Variants in MS4A18 observed in about 807,000 individuals in gnomAD.
MS4A18 encodes the protein membrane-spanning 4-domains subfamily A member 18.
MS4A18 carries 27 observed loss-of-function variants against 13.1 expected under a neutral mutation model. That is an observed-to-expected ratio of 2.06 (90% CI 1.52 to 2.84). MS4A18 has a LOEUF of 2.84. Ranked by LOEUF, MS4A18 falls within the 30% of genes most tolerant of loss-of-function variation. The pLI is 0.00. For missense variants in MS4A18, 307 were observed against 196.4 expected, an observed-to-expected ratio of 1.56 and a Z score of -3.37; for synonymous variants, 126 against 76.5, an observed-to-expected ratio of 1.65 and a Z score of -3.38.
intron 1 of MS4A18, among the ~76,000 whole-genome samples, chr11:60,732,288 A>G (rs1190797093): frequency 6.6e-6 from 1 of 152,074 alleles, no homozygotes; most frequent in Non-Finnish European, 1.5e-5. Context: ...AGCAGGGAGT[A>G]AGGGGAAAAA....
intron 1 of MS4A18, among the ~76,000 whole-genome samples, chr11:60,731,700 C>T (rs988574135): frequency 1.3e-5 from 2 of 152,188 alleles, no homozygotes; most frequent in Admixed American, 6.5e-5. Flanking sequence ...AGCATTTCTA[C>T]GCATGGTGTT....
chr11:60,733,204 G>A (rs569720645), intron 1 of MS4A18, among the ~76,000 whole-genome samples: 3 of 152,368 alleles, frequency 2.0e-5, no homozygotes, highest in Admixed American at 6.5e-5. Flanking sequence ...GTGGTTTTCA[G>A]CCACAACCCG....
chr11:60,738,512 C>G (rs1853374018), intron 3 of MS4A18, among the ~76,000 whole-genome samples: 1 of 152,148 alleles, frequency 6.6e-6, no homozygotes, highest in African/African-American at 2.4e-5. Context: ...CAAACAAATC[C>G]AGTCCCTGCC....
At chr11:60,728,218 T>G (rs1041986892), upstream of MS4A18, among the ~76,000 whole-genome samples, 2 of 152,192 alleles carry the variant, frequency 1.3e-5, no homozygotes, top group African/African-American at 4.8e-5. Context: ...GTCTGTTTTT[T>G]TGCTCTGAAA....
At chr11:60,735,500 ATT>A (rs56136215) in intron 2 of MS4A18, among the ~76,000 whole-genome samples, 1,543 of 110,074 alleles carry the variant, frequency 0.014, 61 homozygotes, top group Admixed American at 0.11. Flanking sequence ...TGCCCGGCTA[ATT>A]TTTTTTTTTT....
At chr11:60,740,258 C>A (rs1399319333) in intron 4 of MS4A18, among the ~76,000 whole-genome samples, 1 of 152,216 alleles carries the variant, frequency 6.6e-6, no homozygotes, top group South Asian at 2.1e-4. Flanking sequence ...GGGATCCCCA[C>A]CCTCTGCTCC....
At chr11:60,739,147 C>T in intron 4 of MS4A18, 150 bp downstream of exon 5, 1 of 615,320 alleles carries the variant, frequency 1.6e-6, no homozygotes, top group Non-Finnish European at 2.9e-6. Context: ...CACCAAAACC[C>T]TGTGCCCTCT....
chr11:60,743,415 T>C (rs960902367), intron 5 of MS4A18, among the ~76,000 whole-genome samples: 2 of 152,160 alleles, frequency 1.3e-5, no homozygotes, highest in Non-Finnish European at 2.9e-5. Flanking sequence ...GGCAGGCCAG[T>C]CTTTATGTTC....
At position 60,734,416 on chromosome 11, in the gene MS4A18, A is replaced by G. The variant is rs1853305538; in HGVS notation, c.591+769A>G. On this transcript the variant is annotated intron_variant, in intron 2 of 5. Transcript: ENST00000529108. ...ACCATTTGGTAGCAGGAAGTTGGCC[A>G]TGTTGGGTATACATACGACATGGAA... Among the ~76,000 whole-genome samples, 5 of 152,236 alleles carry G rather than the reference A, an allele frequency of 3.3e-5. No individual in the cohort carries two copies. The South Asian group carries it at 6.2e-4, about 19-fold the overall frequency.
At chr11:60,736,144 A>C (rs1853336194) in intron 2 of MS4A18, among the ~76,000 whole-genome samples, 1 of 152,106 alleles carries the variant, frequency 6.6e-6, no homozygotes, top group Admixed American at 6.5e-5. Flanking sequence ...GGTAGCTTCA[A>C]GAGAGCTAGC....
At chr11:60,733,359 A>C (rs189230928) in intron 1 of MS4A18, among the ~76,000 whole-genome samples, 175 bp from the exon 3 acceptor site, 88 of 152,344 alleles carry the variant, frequency 5.8e-4, no homozygotes, top group Admixed American at 1.5e-3. Flanking sequence ...GTTTTTAAAA[A>C]AACACCCAGG....
chr11:60,741,202 T>C, intron 5 of MS4A18, 59 bp downstream of exon 6: 1 of 702,358 alleles, frequency 1.4e-6, no homozygotes, highest in East Asian at 2.7e-5. Context: ...GTGTGGGCTA[T>C]AGCAAGAGGT....
chr11:60,730,925 T>C (rs1853244130), intron 1 of MS4A18, among the ~76,000 whole-genome samples: 1 of 152,126 alleles, frequency 6.6e-6, no homozygotes, highest in Admixed American at 6.5e-5. Flanking sequence ...AAACCCTGTC[T>C]CTACCAAAAA....
chr11:60,730,603 T>A (rs1031155441), intron 1 of MS4A18, among the ~76,000 whole-genome samples: 3 of 152,208 alleles, frequency 2.0e-5, no homozygotes, highest in African/African-American at 7.2e-5. Context: ...AAGTGCAAAT[T>A]GTCTGGCTTC....
intron 2 of MS4A18, among the ~76,000 whole-genome samples, chr11:60,734,074 C>T (rs1434548357): frequency 6.6e-6 from 1 of 151,844 alleles, no homozygotes; most frequent in Non-Finnish European, 1.5e-5. Context: ...CAAGACCTCC[C>T]CCCACCCGCC....
chr11:60,727,859 A>C (rs1180132887), upstream of MS4A18, among the ~76,000 whole-genome samples: 4 of 152,186 alleles, frequency 2.6e-5, no homozygotes, highest in Non-Finnish European at 5.9e-5. Flanking sequence ...CTTGCTCCCC[A>C]GCATCAAAAA....
rs563984975 is a variant in MS4A18, at chr11:60,736,568, T to A, written c.592-410T>A. ...AGCCCCAAGGCTCCACCCACCACAC[T>A]GCTCAGCCCCTGGTTTTCCAAGATC... On this transcript the variant is annotated intron_variant, in intron 2 of 5. Transcript: ENST00000529108. Among the ~76,000 whole-genome samples the A allele has an allele frequency of 6.8e-4, 104 of 152,226 alleles. 2 individuals carry two copies. The highest frequency in any genetic ancestry group is 2.5e-3 in the African/African-American group (102 of 41,562).
chr11:60,729,306 G>A (rs772547846), exon 1 of MS4A18: 1 of 700,432 alleles, frequency 1.4e-6, no homozygotes, highest in South Asian at 1.5e-5. Flanking sequence ...TTTTGCAGCA[G>A]TTGTACACCA....
chr11:60,733,238 C>T (rs1419458806), intron 1 of MS4A18, among the ~76,000 whole-genome samples: 1 of 152,258 alleles, frequency 6.6e-6, no homozygotes, highest in African/African-American at 2.4e-5. Flanking sequence ...TCTCTGCACA[C>T]TTGTGGGCTC....
Sources: allele counts gnomAD v4.1 joint callset (sites outside exome capture counted in the v4.1 genomes callset), GRCh38; gene constraint gnomAD v4.1.1; transcripts MANE v1.5; gene names NCBI Gene and HGNC (gene_info 2026-07-23, HGNC 2026-07-21).